Variants in KCNH8 observed in about 807,000 individuals in gnomAD.
KCNH8 encodes the protein voltage-gated delayed rectifier potassium channel KCNH8.
KCNH8 carries 70 observed loss-of-function variants against 103.6 expected under a neutral mutation model. The observed-to-expected ratio is 0.68, with a 90% CI of 0.56 to 0.82. The LOEUF (loss-of-function observed/expected upper bound fraction) is 0.82, where lower values mean the gene tolerates loss of function less well. Ranked by LOEUF, KCNH8 falls within the 40% of genes least tolerant of loss-of-function variation. The probability of loss-of-function intolerance (pLI) is 0.00; values close to 1 mark genes in which losing one functional copy is unlikely to be tolerated. For synonymous variants in KCNH8, 498 were observed against 489.4 expected, an observed-to-expected ratio of 1.02 and a Z score of -0.23; for missense variants, 1,217 against 1,329.9, an observed-to-expected ratio of 0.92 and a Z score of 1.32.
chr3:19,162,016 G>A (rs1258607818), intron 1 of KCNH8, among the ~76,000 whole-genome samples: 1 of 151,876 alleles, frequency 6.6e-6, no homozygotes, highest in Non-Finnish European at 1.5e-5. Context: ...ATTATTACTT[G>A]TAAACAATCT....
intron 11 of KCNH8, among the ~76,000 whole-genome samples, chr3:19,488,815 C>A (rs74529732): frequency 6.6e-6 from 1 of 152,000 alleles, no homozygotes; most frequent in South Asian, 2.1e-4. Context: ...ACTTAGTTGC[C>A]GCCTGGAGCA....
intron 10 of KCNH8, among the ~76,000 whole-genome samples, chr3:19,456,490 T>C (rs994812076): frequency 6.6e-6 from 1 of 152,032 alleles, no homozygotes; most frequent in Non-Finnish European, 1.5e-5. Context: ...CATAATAACA[T>C]TCCAAAGATA....
intron 11 of KCNH8, among the ~76,000 whole-genome samples, chr3:19,497,038 T>C (rs547228708): frequency 6.6e-6 from 1 of 152,310 alleles, no homozygotes; most frequent in Admixed American, 6.5e-5. Flanking sequence ...TTTGTGTGCA[T>C]AGAGGTGTTT....
chr3:19,486,143 A>G (rs991758393), intron 11 of KCNH8, among the ~76,000 whole-genome samples: 2 of 152,216 alleles, frequency 1.3e-5, no homozygotes, highest in African/African-American at 2.4e-5. Flanking sequence ...TCCCATCTAC[A>G]TATAACTCCC....
chr3:19,357,631 C>A (rs1161159377), intron 5 of KCNH8, among the ~76,000 whole-genome samples: 1 of 151,860 alleles, frequency 6.6e-6, no homozygotes, highest in Non-Finnish European at 1.5e-5. Flanking sequence ...CACATTCTTA[C>A]TATCTACTAT....
intron 5 of KCNH8, among the ~76,000 whole-genome samples, chr3:19,358,172 TCTTCCTTC>T (rs10576905): frequency 2.4e-4 from 35 of 148,776 alleles, no homozygotes; most frequent in African/African-American, 6.2e-4. Context: ...TCCTTCCTTT[TCTTCCTTC>T]CTTCCTTCCT....
chr3:19,330,062 TA>T (rs1367068261), intron 3 of KCNH8, among the ~76,000 whole-genome samples: 1 of 152,072 alleles, frequency 6.6e-6, no homozygotes, highest in Non-Finnish European at 1.5e-5. Flanking sequence ...AGATCTCTAA[TA>T]AATTTTGCTG....
At chr3:19,372,855 A>G (rs2066123073) in intron 5 of KCNH8, among the ~76,000 whole-genome samples, 1 of 152,000 alleles carries the variant, frequency 6.6e-6, no homozygotes, top group Admixed American at 6.5e-5. Context: ...CTTTTTCTGC[A>G]TCTATTGAGA....
chr3:19,308,650 GTCTCTCTCTCTC>G lies in KCNH8; in HGVS notation c.442+27378_442+27389del, dbSNP rs1163604706. ...ATGAAAAGACCCTGTGAATGTTGGG[GTCTCTCTCTCTC>G]TCTCTCTCTCTCTCTCTCTCTCTCT... On this transcript the variant is annotated intron_variant, in intron 3 of 15. Transcript: ENST00000328405. Among the ~76,000 whole-genome samples the G allele has an allele frequency of 9.9e-4, 51 of 51,366 alleles. 1 individual carries two copies. The highest frequency in any genetic ancestry group is 1.3e-3 in the Non-Finnish European group (35 of 27,604). The allele number at this position is 51,366 out of a possible 152,430, so 33.7% of individuals were successfully genotyped here.
chr3:19,503,939 A>G (rs1271864886), intron 11 of KCNH8, among the ~76,000 whole-genome samples: 2 of 151,942 alleles, frequency 1.3e-5, no homozygotes, highest in Non-Finnish European at 2.9e-5. Flanking sequence ...AATAATAATA[A>G]TAATAAAGAA....
intron 5 of KCNH8, among the ~76,000 whole-genome samples, chr3:19,377,395 A>G (rs2066224653): frequency 2.6e-5 from 4 of 152,116 alleles, no homozygotes; most frequent in Admixed American, 2.6e-4. Flanking sequence ...GGTAATCTGG[A>G]TGTATTCTGA....
At chr3:19,212,671 C>T (rs1042300975) in intron 1 of KCNH8, among the ~76,000 whole-genome samples, 2 of 152,172 alleles carry the variant, frequency 1.3e-5, no homozygotes, top group African/African-American at 4.8e-5. Flanking sequence ...AGTACAGCTG[C>T]ACCACCTCAG....
At chr3:19,331,675 T>A (rs1319434527) in intron 3 of KCNH8, among the ~76,000 whole-genome samples, 2 of 152,204 alleles carry the variant, frequency 1.3e-5, no homozygotes, top group African/African-American at 4.8e-5. Context: ...ATACAATGCA[T>A]AATAGTCACA....
chr3:19,327,749 C>G (rs2065443328), intron 3 of KCNH8, among the ~76,000 whole-genome samples: 1 of 152,144 alleles, frequency 6.6e-6, no homozygotes, highest in African/African-American at 2.4e-5. Flanking sequence ...ATTTCTAATT[C>G]AGTATGCCTA....
chr3:19,340,339 T>A (rs1029279088), intron 3 of KCNH8, among the ~76,000 whole-genome samples: 32 of 114,904 alleles, frequency 2.8e-4, no homozygotes, highest in African/African-American at 1.3e-3. Context: ...TCAATTTATT[T>A]TTTTTATTTT....
chr3:19,167,469 G>A (rs2063296997), intron 1 of KCNH8, among the ~76,000 whole-genome samples: 2 of 152,076 alleles, frequency 1.3e-5, no homozygotes, highest in African/African-American at 2.4e-5. Context: ...TATCAGTAGG[G>A]AAGATTATCT....
At chr3:19,176,899 ACAAT>A (rs1176482349) in intron 1 of KCNH8, among the ~76,000 whole-genome samples, 1 of 152,170 alleles carries the variant, frequency 6.6e-6, no homozygotes, top group Non-Finnish European at 1.5e-5. Flanking sequence ...ATTTTGTCAA[ACAAT>A]CAATACATAA....
intron 15 of KCNH8, among the ~76,000 whole-genome samples, chr3:19,525,414 G>A (rs988287827): frequency 4.0e-5 from 6 of 151,716 alleles, no homozygotes; most frequent in African/African-American, 1.5e-4. Context: ...GACAAGCACT[G>A]TTCTATACAA....
chr3:19,267,608 G>A (rs958060216), intron 2 of KCNH8, among the ~76,000 whole-genome samples: 6 of 152,074 alleles, frequency 3.9e-5, no homozygotes, highest in Admixed American at 2.6e-4. Flanking sequence ...TCACCAAGGT[G>A]CTGTAGGTGA....
Sources: allele counts gnomAD v4.1 joint callset (sites outside exome capture counted in the v4.1 genomes callset), GRCh38; gene constraint gnomAD v4.1.1; transcripts MANE v1.5; gene names NCBI Gene and HGNC (gene_info 2026-07-23, HGNC 2026-07-21).